RANBP17: variants seen among roughly 807,000 people sequenced by gnomAD.
RANBP17 encodes the protein RAN binding protein 17, also known as ran-binding protein 17.
RANBP17 carries 158 observed loss-of-function variants against 141.2 expected under a neutral mutation model. That is an observed-to-expected ratio of 1.12 (90% CI 0.98 to 1.28). The LOEUF (loss-of-function observed/expected upper bound fraction) is 1.28. RANBP17 is among the 50% of genes most tolerant of loss of function. The pLI is 0.00. For missense variants in RANBP17, 1,438 were observed against 1,290.7 expected (o/e 1.11, Z -1.75); for synonymous variants, 430 against 450.0 (o/e 0.96, Z 0.56).
chr5:170,889,464 CA>C (rs767002376), intron 3 of RANBP17, among the ~76,000 whole-genome samples: 2 of 152,044 alleles, frequency 1.3e-5, no homozygotes, highest in Non-Finnish European at 2.9e-5. Flanking sequence ...AGGAAGCAAA[CA>C]AAAAATCGGA....
At position 171,244,121 on chromosome 5, in the gene RANBP17, G is replaced by C. The variant is rs530056826; in HGVS notation, c.2776+1301G>C. ...TATTAAAAGATTTTAGCTGGGCACG[G>C]TGGCTCATGCCTGTAATTCTAGCAT... is the stretch of plus-strand genomic sequence containing the variant. On this transcript the variant is annotated intron_variant, in intron 24 of 27. Transcript: ENST00000523189. 4.0e-4 allele frequency among the ~76,000 whole-genome samples: 61 copies of C among 151,770 alleles called. No homozygotes were observed. In the South Asian group the frequency reaches 0.012, roughly 30 times the overall value.
At position 170,881,802 on chromosome 5, in the gene RANBP17, A is replaced by G; in HGVS notation, c.166-4A>G. The G allele has an allele frequency of 6.4e-7, 1 of 1,559,064 alleles. No individual in the cohort carries two copies. The highest frequency in any genetic ancestry group is 8.7e-7 in the Non-Finnish European group (1 of 1,148,590). On this transcript the variant is annotated splice_region_variant and splice_polypyrimidine_tract_variant and intron_variant, in intron 2 of 27. Coordinates refer to ENST00000523189, the MANE Select transcript of RANBP17 (RefSeq NM_022897.5). ...ATAATAATAAATAAAATTATTCTTTACAGACATCCTATGCTCAGCTCCTTG... is the reference window on the plus strand; with the variant it reads ...ATAATAATAAATAAAATTATTCTTTGCAGACATCCTATGCTCAGCTCCTTG...
chr5:170,873,789 C>T (rs1239382077), intron 1 of RANBP17, among the ~76,000 whole-genome samples: 3 of 152,108 alleles, frequency 2.0e-5, no homozygotes, highest in African/African-American at 7.2e-5. Context: ...CTTATAAAAA[C>T]CAGCTCCTGG....
At chr5:171,089,542 G>A (rs937563113) in intron 14 of RANBP17, among the ~76,000 whole-genome samples, 8 of 151,994 alleles carry the variant, frequency 5.3e-5, no homozygotes, top group Non-Finnish European at 1.2e-4. Flanking sequence ...GCAATGGCGG[G>A]CGCCCCTCCC....
chr5:171,217,207 T>C (rs1763275191), intron 21 of RANBP17, among the ~76,000 whole-genome samples: 1 of 152,204 alleles, frequency 6.6e-6, no homozygotes, highest in South Asian at 2.1e-4. Flanking sequence ...TGTGATGGAT[T>C]ATGTTTATTG....
chr5:170,905,790 A>G (rs765423002), intron 5 of RANBP17, among the ~76,000 whole-genome samples: 1 of 152,088 alleles, frequency 6.6e-6, no homozygotes, highest in African/African-American at 2.4e-5. Context: ...TCATTTTACA[A>G]CTTTTTGCTA....
chr5:171,052,173 T>C (rs78869034), intron 14 of RANBP17, among the ~76,000 whole-genome samples: 497 of 152,290 alleles, frequency 3.3e-3, no homozygotes, highest in African/African-American at 0.011. Flanking sequence ...AAATACATGA[T>C]TTGCAAATAT....
At chr5:171,194,506 G>T (rs1447213071) in intron 18 of RANBP17, among the ~76,000 whole-genome samples, 1 of 152,090 alleles carries the variant, frequency 6.6e-6, no homozygotes, top group Non-Finnish European at 1.5e-5. Flanking sequence ...ATGTTTTCAA[G>T]GCACATTCAT....
chr5:170,903,717 A>G (rs1243625357), intron 5 of RANBP17: 11 of 309,496 alleles, frequency 3.6e-5, no homozygotes, highest in Non-Finnish European at 7.3e-5. Context: ...CATCATTAGC[A>G]AAGTCGACCT....
chr5:171,293,864 A>G lies in RANBP17; in HGVS notation c.2944-19A>G. 1.3e-6 allele frequency: 2 copies of G among 1,581,250 alleles called. No individual in the cohort carries two copies. The highest frequency in any genetic ancestry group is 1.7e-6 in the Non-Finnish European group (2 of 1,150,266). On this transcript the variant is annotated intron_variant, in intron 25 of 27. Coordinates refer to ENST00000523189, the MANE Select transcript of RANBP17 (RefSeq NM_022897.5). ...TCTGAGACAAGGCATCTCAATCTTT[A>G]TGTGATTCTATCTTCTAGATGATGT...
At chr5:171,205,920 G>T (rs562055044) in intron 20 of RANBP17, 133 of 424,152 alleles carry the variant, frequency 3.1e-4, no homozygotes, top group South Asian at 2.6e-3. Flanking sequence ...AGGGATCAAT[G>T]AATCCTACCA....
chr5:171,153,571 T>C (rs963143461), intron 14 of RANBP17, among the ~76,000 whole-genome samples: 7 of 152,184 alleles, frequency 4.6e-5, no homozygotes, highest in African/African-American at 1.7e-4. Context: ...TATTGGAAGA[T>C]AACTGATGAA....
At chr5:171,079,448 G>A (rs1044401712) in intron 14 of RANBP17, among the ~76,000 whole-genome samples, 2 of 152,188 alleles carry the variant, frequency 1.3e-5, no homozygotes, top group African/African-American at 4.8e-5. Flanking sequence ...TTTGAAAGTC[G>A]TTCTCCTGTG....
chr5:170,911,083 G>T lies in RANBP17; in HGVS notation c.709G>T (p.Glu237Ter), dbSNP rs1771487406. The change falls in exon 7 of 28, where the codon GAA (glutamate) becomes TAA (stop). Residue 237 changes from glutamate to a stop codon, truncating the protein, a stop_gained. Coordinates refer to ENST00000523189, the MANE Select transcript of RANBP17 (RefSeq NM_022897.5). LOFTEE classifies it high-confidence loss of function. ...TGACTTCATTGGCAGTTCAGCAGAT[G>T]AATCTGCAGATGATCTTTGCACGGT... ...NFDFIGSSAD[E>*]SADDLCTVQI... 1 of 1,611,746 alleles carries T rather than the reference G, an allele frequency of 6.2e-7. No individual in the cohort carries two copies.
chr5:171,145,087 G>A (rs965602463), intron 14 of RANBP17, among the ~76,000 whole-genome samples: 2 of 152,172 alleles, frequency 1.3e-5, no homozygotes, highest in African/African-American at 4.8e-5. Context: ...AAGTGCTTTA[G>A]CATATACTAT....
At chr5:171,254,953 C>T (rs1765796960) in intron 24 of RANBP17, among the ~76,000 whole-genome samples, 1 of 152,180 alleles carries the variant, frequency 6.6e-6, no homozygotes, top group Admixed American at 6.5e-5. Context: ...TAAATGACTT[C>T]ACCTATTTCT....
At chr5:171,031,748 T>C (rs1398350155) in intron 14 of RANBP17, among the ~76,000 whole-genome samples, 1 of 152,040 alleles carries the variant, frequency 6.6e-6, no homozygotes, top group Non-Finnish European at 1.5e-5. Context: ...TAGCAACATG[T>C]AATGGTATAG....
intron 14 of RANBP17, among the ~76,000 whole-genome samples, chr5:171,128,179 A>G (rs1756634705): frequency 6.6e-6 from 1 of 152,190 alleles, no homozygotes; most frequent in African/African-American, 2.4e-5. Flanking sequence ...ATATCAGTAT[A>G]TCAAAGAGAC....
rs367822297 is a variant in RANBP17, at chr5:170,918,736, T to C, written c.978T>C (p.Tyr326=). 4 of 1,606,462 alleles carry C rather than the reference T, an allele frequency of 2.5e-6. No individual in the cohort carries two copies. The highest frequency in any genetic ancestry group is 3.4e-6 in the Non-Finnish European group (4 of 1,176,336). The part of the protein sequence containing the change: ...NPQGLSDPGN[Y]HEFCRFLARL... ...AGGGTTTGTCTGATCCAGGTAATTA[T>C]CATGAATTTTGTCGATTTTTGGCTC... Residue 326 remains tyrosine, a synonymous_variant, in exon 10 of 28, where the codon TAT becomes TAC. Coordinates refer to ENST00000523189, the MANE Select transcript of RANBP17 (RefSeq NM_022897.5).
Sources: allele counts gnomAD v4.1 joint callset (sites outside exome capture counted in the v4.1 genomes callset), GRCh38; gene constraint gnomAD v4.1.1; transcripts MANE v1.5; gene names NCBI Gene and HGNC (gene_info 2026-07-23, HGNC 2026-07-21).